The following FLAD1 variants were observed in gnomAD, a reference collection of about 807,000 sequenced individuals.
The protein encoded by FLAD1 is flavin adenine dinucleotide synthetase 1.
FLAD1 carries 35 observed loss-of-function variants against 55.0 expected under a neutral mutation model. The observed-to-expected ratio is 0.64, with a 90% CI of 0.49 to 0.84. The LOEUF (loss-of-function observed/expected upper bound fraction) is 0.84, where lower values mean the gene tolerates loss of function less well. FLAD1 is among the 40% of genes least tolerant of loss of function. The pLI, the probability that FLAD1 is intolerant of heterozygous loss-of-function variation, is 0.00. For synonymous variants in FLAD1, 267 were observed against 303.0 expected (o/e 0.88, Z 1.23); for missense variants, 665 against 742.6 (o/e 0.90, Z 1.21).
Position 154,983,715 on chromosome 1 carries a change from A to G in FLAD1, c.21A>G (p.Thr7=). ...AGGACATGGGTTGGGATTTGGGAAC[A>G]CGTTTATTCCAGAGGCAGGAACAAA... MGWDLG[T]RLFQRQEQRS... Residue 7 remains threonine (T), a synonymous_variant, in exon 1 of 7, where the codon ACA becomes ACG. Coordinates refer to ENST00000292180, the MANE Select transcript of FLAD1 (RefSeq NM_025207.5). The G allele has an allele frequency of 6.2e-7, 1 of 1,611,360 alleles. No individual in the cohort carries two copies. Among genetic ancestry groups the G allele is most frequent in the Non-Finnish European group, 8.5e-7 (1 of 1,177,986 alleles).
intron 3 of FLAD1, 29 bp downstream of exon 3, chr1:154,989,736 C>T (rs1275058814): frequency 4.0e-6 from 6 of 1,490,624 alleles, no homozygotes; most frequent in Middle Eastern, 1.9e-4. Flanking sequence ...GACAAGACCC[C>T]TGATCTGTTT....
rs533763383 is a variant in FLAD1 at position 154,988,530 on chromosome 1, G to A, written c.798G>A (p.Glu266=). 32 of 1,614,264 alleles carry A rather than the reference G, an allele frequency of 2.0e-5. No homozygotes were observed. Among genetic ancestry groups the A allele is most frequent in the Admixed American group, 1.7e-4 (10 of 60,034 alleles). ...CAGAGCTGCTGCGGCGGGTGCTGGAGGGGATGAAGGGACTATTCCAAAACC... is the reference window on the plus strand; with the variant it reads ...CAGAGCTGCTGCGGCGGGTGCTGGAAGGGATGAAGGGACTATTCCAAAACC... ...GIPELLRRVL[E]GMKGLFQNPA... is the part of the protein sequence containing the mutation. The change falls in exon 2 of 7, where the codon GAG becomes GAA. Residue 266 remains glutamate, a synonymous_variant. Transcript: ENST00000292180.
In FLAD1 at chr1:154,988,718, CAG is replaced by C. The variant is rs1491438823; in HGVS notation, c.989_990del (p.Glu330GlyfsTer34). 3.1e-6 allele frequency: 5 copies of C among 1,614,094 alleles called. No individual in the cohort carries two copies. Among genetic ancestry groups the C allele is most frequent in the Non-Finnish European group, 3.4e-6 (4 of 1,180,050 alleles). ...TATCAGGTGAAGCTGACTCTAGACT[CAG>C]AGGAAGAAGGACCCCTGGAGGAATG... On this transcript the variant is annotated frameshift_variant, in exon 2 of 7. Transcript: ENST00000292180. LOFTEE classifies it high-confidence loss of function.
Position 154,985,716 on chromosome 1 carries a change from ATT to A in FLAD1, c.372+1675_372+1676del, listed in dbSNP as rs34387427. On this transcript the variant is annotated intron_variant, in intron 1 of 6. Transcript: ENST00000292180. ...GCCACCTCACCTGGCCCTGACCCCA[ATT>A]TTTTTTTTTTTTTTTTTTTTTTTTG... is the stretch of plus-strand genomic sequence containing the variant. Among the ~76,000 whole-genome samples the A allele has an allele frequency of 4.1e-3, 308 of 75,462 alleles. 3 individuals are homozygous for A. The highest frequency in any genetic ancestry group is 0.015 in the African/African-American group (281 of 18,496). 49.5% of individuals were successfully genotyped at this position (75,462 alleles called of 152,430 possible). A position where few individuals can be genotyped will look rare whatever the true frequency, so the allele number is the denominator to read the frequency against.
In FLAD1 at chr1:154,988,672, CCT is replaced by C; in HGVS notation, c.941_942del (p.Pro314ArgfsTer50). 6.2e-7 allele frequency: 1 copy of C among 1,614,208 alleles called. No individual in the cohort carries two copies. The highest frequency in any genetic ancestry group is 8.5e-7 in the Non-Finnish European group (1 of 1,180,040). ...ACGTAGGCTTGGCCTGGGTTCCTAC[CCT>C]GACTGGGGCAGCAACTACTATCAGG... Reference protein sequence around the residue: ...FGRRLGLGSYPDWGSNYYQVK... With the variant: ...FGRRLGLGSYXDWGSNYYQVK... On this transcript the variant is annotated frameshift_variant, in exon 2 of 7. Coordinates refer to ENST00000292180, the MANE Select transcript of FLAD1 (RefSeq NM_025207.5). LOFTEE classifies it high-confidence loss of function.
At position 154,993,053 on chromosome 1, in the gene FLAD1, G is replaced by C. The variant is rs767578148; in HGVS notation, c.*16G>C. On this transcript the variant is annotated 3_prime_UTR_variant, in exon 7 of 7. Coordinates refer to ENST00000292180, the MANE Select transcript of FLAD1 (RefSeq NM_025207.5). ...CCGCACATGACCTCCCACCCTAGGA[G>C]GGAGGGAAGGACACCGTCCTAGGGT... 6.2e-7 allele frequency: 1 copy of C among 1,612,376 alleles called. No individual in the cohort carries two copies. Among genetic ancestry groups the C allele is most frequent in the Non-Finnish European group, 8.5e-7 (1 of 1,178,662 alleles).
intron 1 of FLAD1, among the ~76,000 whole-genome samples, chr1:154,984,810 G>A (rs1268887068): frequency 6.6e-6 from 1 of 151,976 alleles, no homozygotes; most frequent in Non-Finnish European, 1.5e-5. Context: ...TACTAGAAGG[G>A]ATGAATCCCC....
rs1384644698 is a variant in FLAD1, at chr1:154,989,770, C to A, written c.1265+63C>A. 13 of 1,458,726 alleles carry A rather than the reference C, an allele frequency of 8.9e-6. 1 individual carries two copies. The highest frequency in any genetic ancestry group is 7.2e-5 in the East Asian group (3 of 41,654). The allele number at this position is 1,458,726 out of a possible 1,614,324, so 90.4% of individuals were successfully genotyped here. ...TTCTCCAGTTCCACATCCCAGAAAG[C>A]AAGGAGAAAGGGGGTGTACAGGTGG... is the stretch of plus-strand genomic sequence containing the variant. On this transcript the variant is annotated intron_variant, in intron 3 of 6. Coordinates refer to ENST00000292180, the MANE Select transcript of FLAD1 (RefSeq NM_025207.5).
Position 154,984,077 on chromosome 1 carries a change from G to A in FLAD1, c.372+11G>A. 6.7e-7 allele frequency: 1 copy of A among 1,492,418 alleles called. No homozygotes were observed. The highest frequency in any genetic ancestry group is 1.4e-5 in the African/African-American group (1 of 71,516). 92.4% of individuals were successfully genotyped at this position (1,492,418 alleles called of 1,614,324 possible). On this transcript the variant is annotated intron_variant, in intron 1 of 6. Transcript: ENST00000292180. ...GATGAGATCCTTAAGGTGTGTCTGG[G>A]ACAGAAAAGGGGGGAGGGCGCTGCG...
At chr1:154,985,014 G>C (rs2102238005) in intron 1 of FLAD1, among the ~76,000 whole-genome samples, 1 of 136,646 alleles carries the variant, frequency 7.3e-6, no homozygotes, top group Non-Finnish European at 1.5e-5. Context: ...ACAGGTGTTA[G>C]CCGCCACACC....
At position 154,990,491 on chromosome 1, in the gene FLAD1, C is replaced by T; in HGVS notation, c.1517C>T (p.Pro506Leu). Residue 506 changes from proline to leucine, a missense_variant, in exon 5 of 7, where the codon CCA becomes CTA. Transcript: ENST00000292180. ...CSLCPFSPTDPGWPAFMRINP... is the reference protein window; with the variant it reads ...CSLCPFSPTDLGWPAFMRINP... ...CTCTGCCCTTTCAGCCCCACTGACC[C>T]AGGCTGGCCCGCATTCATGCGCATC... is the stretch of plus-strand genomic sequence containing the variant. 1 of 1,612,072 alleles carries T rather than the reference C, an allele frequency of 6.2e-7. No individual in the cohort carries two copies. The highest frequency in any genetic ancestry group is 8.5e-7 in the Non-Finnish European group (1 of 1,178,962).
Position 154,983,648 on chromosome 1 carries a change from G to A in FLAD1, c.-47G>A, listed in dbSNP as rs1031860112. On this transcript the variant is annotated 5_prime_UTR_variant, in exon 1 of 7. Coordinates refer to ENST00000292180, the MANE Select transcript of FLAD1 (RefSeq NM_025207.5). ...CACTTAAAGTGGTAGGTTCTCAAGAGAGAAGAAGTTTTTAAGACTAGAGCT... is the reference window on the plus strand; with the variant it reads ...CACTTAAAGTGGTAGGTTCTCAAGAAAGAAGAAGTTTTTAAGACTAGAGCT... 1.3e-6 allele frequency: 2 copies of A among 1,557,106 alleles called. No homozygotes were observed. Among genetic ancestry groups the A allele is most frequent in the South Asian group, 1.2e-5 (1 of 83,136 alleles).
intron 1 of FLAD1, among the ~76,000 whole-genome samples, chr1:154,985,219 T>C (rs2878540): frequency 1.4e-5 from 2 of 139,090 alleles, no homozygotes; most frequent in African/African-American, 6.3e-5. Context: ...TGTAAATTTG[T>C]GTTTTTTTTG....
rs1182194212 is a variant in FLAD1 at position 154,988,566 on chromosome 1, G to A, written c.834G>A (p.Gln278=). 3.7e-6 allele frequency: 6 copies of A among 1,614,244 alleles called. No homozygotes were observed. Among genetic ancestry groups the A allele is most frequent in the Non-Finnish European group, 4.2e-6 (5 of 1,180,054 alleles). ...GACTATTCCAAAACCCAGCTGTTCAGTTCCACTCAAAGGAGCTATATGTGG... is the reference window on the plus strand; with the variant it reads ...GACTATTCCAAAACCCAGCTGTTCAATTCCACTCAAAGGAGCTATATGTGG... ...MKGLFQNPAV[Q]FHSKELYVAA... The change falls in exon 2 of 7, where the codon CAG becomes CAA. Residue 278 remains glutamine, a synonymous_variant. Coordinates refer to ENST00000292180, the MANE Select transcript of FLAD1 (RefSeq NM_025207.5).
At position 154,988,094 on chromosome 1, in the gene FLAD1, T is replaced by TCCC. The variant is rs765635608; in HGVS notation, c.373-10_373-9insCCC. On this transcript the variant is annotated splice_polypyrimidine_tract_variant and intron_variant, in intron 1 of 6. Coordinates refer to ENST00000292180, the MANE Select transcript of FLAD1 (RefSeq NM_025207.5). ...AGTACTGATGGCCTCATCTTCCCCT[T>TCCC]CAACCCCCAGGGACACACTCAGGAC... The TCCC allele has an allele frequency of 3.1e-6, 5 of 1,614,170 alleles. 1 individual carries two copies. In the South Asian group the frequency reaches 5.5e-5, roughly 18 times the overall value.
rs1300703127 is a variant in FLAD1 at position 154,988,475 on chromosome 1, T to C, written c.743T>C (p.Val248Ala). The C allele has an allele frequency of 6.2e-7, 1 of 1,614,074 alleles. No individual in the cohort carries two copies. The highest frequency in any genetic ancestry group is 8.5e-7 in the Non-Finnish European group (1 of 1,180,052). ...GQPFRFPLVS[V>A]RNVYLFPGIP... The stretch of plus-strand genomic sequence containing the variant: ...CCTTTCAGATTCCCTCTGGTCTCCG[T>C]CCGAAACGTCTACCTCTTCCCAGGC... The change falls in exon 2 of 7, where the codon GTC becomes GCC. Residue 248 changes from valine to alanine, a missense_variant. By Grantham distance (64) the Val-to-Ala change is moderately conservative (BLOSUM62 0). Coordinates refer to ENST00000292180, the MANE Select transcript of FLAD1 (RefSeq NM_025207.5).
Position 154,992,705 on chromosome 1 carries a change from C to T in FLAD1, c.1555-8C>T. On this transcript the variant is annotated splice_polypyrimidine_tract_variant and splice_region_variant and intron_variant, in intron 5 of 6. Coordinates refer to ENST00000292180, the MANE Select transcript of FLAD1 (RefSeq NM_025207.5). Reference sequence around the variant, plus strand: ...ATTTGTGACTATTCTATTACTCTGACCTCCCAGGACTGGACCTACAGAGAC... The same window carrying T: ...ATTTGTGACTATTCTATTACTCTGATCTCCCAGGACTGGACCTACAGAGAC... 1 of 1,614,170 alleles carries T rather than the reference C, an allele frequency of 6.2e-7. No individual in the cohort carries two copies. Among genetic ancestry groups the T allele is most frequent in the Non-Finnish European group, 8.5e-7 (1 of 1,180,028 alleles).
rs1343181667 is a variant in FLAD1 at position 154,988,746 on chromosome 1, C to T, written c.1014C>T (p.Cys338=). The T allele has an allele frequency of 8.7e-6, 14 of 1,614,048 alleles. No homozygotes were observed. The highest frequency in any genetic ancestry group is 5.0e-5 in the Admixed American group (3 of 60,012). ...DSEEEGPLEE[C]LAYLTARLPQ... The stretch of plus-strand genomic sequence containing the variant: ...AGGAAGAAGGACCCCTGGAGGAATG[C>T]TTGGCCTACCTGACTGCCCGTTTGC... Residue 338 remains cysteine (C), a synonymous_variant, in exon 2 of 7, where the codon TGC becomes TGT. Coordinates refer to ENST00000292180, the MANE Select transcript of FLAD1 (RefSeq NM_025207.5).
Position 154,988,237 on chromosome 1 carries a change from C to T in FLAD1, c.505C>T (p.Arg169Cys), listed in dbSNP as rs1037960547. 8.7e-6 allele frequency: 14 copies of T among 1,614,088 alleles called. No homozygotes were observed. Among genetic ancestry groups the T allele is most frequent in the South Asian group, 5.5e-5 (5 of 91,088 alleles). Residue 169 changes from arginine (R) to cysteine (C), a missense_variant, in exon 2 of 7, where the codon CGC (arginine) becomes TGC (cysteine). Arg to Cys is a radical substitution (Grantham distance 180). Transcript: ENST00000292180. ...IAAEVTSFSN[R>C]FTHVLTAGGI... ...AGCTGAGGTCACTTCTTTCTCCAAC[C>T]GCTTCACCCATGTCCTCACAGCAGG...
Sources: gnomAD v4.1 joint callset for allele counts (sites outside exome capture counted in the v4.1 genomes callset) on GRCh38, gnomAD v4.1.1 for gene constraint, MANE v1.5 for transcripts, NCBI Gene and HGNC (gene_info 2026-07-23, HGNC 2026-07-21) for gene names.